The following GSDMC variants were observed in gnomAD, a reference collection of about 807,000 sequenced individuals.
GSDMC encodes gasdermin C.
GSDMC carries 59 observed loss-of-function variants against 58.0 expected under a neutral mutation model. That is an observed-to-expected ratio of 1.02 (90% confidence interval 0.82 to 1.26). The LOEUF is 1.26. GSDMC is among the 50% of genes most tolerant of loss of function. GSDMC has a pLI of 0.00. For synonymous variants in GSDMC, 241 were observed against 220.2 expected, an observed-to-expected ratio of 1.09 and a Z score of -0.83; for missense variants, 659 against 598.5, an observed-to-expected ratio of 1.10 and a Z score of -1.06.
chr8:129,767,845 C>T (rs1402336815), intron 3 of GSDMC, among the ~76,000 whole-genome samples: 1 of 152,174 alleles, frequency 6.6e-6, no homozygotes, highest in Non-Finnish European at 1.5e-5. Context: ...CCTACCCAAC[C>T]AGGGAAAATT....
At chr8:129,767,758 C>A (rs2033915038) in intron 3 of GSDMC, among the ~76,000 whole-genome samples, 2 of 152,112 alleles carry the variant, frequency 1.3e-5, no homozygotes, top group South Asian at 4.2e-4. Context: ...CCACCAATTA[C>A]AAAACCTAGT....
At chr8:129,751,958 T>G in intron 8 of GSDMC, 67 bp from the exon 9 acceptor site, 1 of 1,532,312 alleles carries the variant, frequency 6.5e-7, no homozygotes, top group Non-Finnish European at 9.0e-7. Flanking sequence ...CCTTCTGCCC[T>G]TCTTTCCCTG....
the GSDMC span, among the ~76,000 whole-genome samples, chr8:129,722,221 C>G: frequency 6.6e-6 from 1 of 152,090 alleles, no homozygotes; most frequent in Non-Finnish European, 1.5e-5. Flanking sequence ...CTACGGTGCT[C>G]GGGGAATAGC....
the GSDMC span, among the ~76,000 whole-genome samples, chr8:129,711,866 A>G: frequency 7.2e-5 from 11 of 152,230 alleles, no homozygotes; most frequent in Admixed American, 7.2e-4. Context: ...CAGCTTATCC[A>G]AGATACCCAA....
chr8:129,709,518 T>G, the GSDMC span, among the ~76,000 whole-genome samples: 1 of 151,156 alleles, frequency 6.6e-6, no homozygotes, highest in South Asian at 2.1e-4. Flanking sequence ...AGATGATAGA[T>G]GATAGGCAGA....
chr8:129,712,662 G>A, the GSDMC span, among the ~76,000 whole-genome samples: 2 of 152,190 alleles, frequency 1.3e-5, no homozygotes, highest in African/African-American at 4.8e-5. Flanking sequence ...ATGAAAACAA[G>A]GGCTTGGGCA....
Position 129,762,751 on chromosome 8 carries a change from A to C in GSDMC, c.571-20T>G. The C allele has an allele frequency of 6.7e-7, 1 of 1,488,626 alleles. No homozygotes were observed. The highest frequency in any genetic ancestry group is 9.4e-7 in the Non-Finnish European group (1 of 1,065,422). 92.2% of individuals were successfully genotyped at this position (1,488,626 alleles called of 1,614,324 possible). A position where few individuals can be genotyped will look rare whatever the true frequency, so the allele number is the denominator to read the frequency against. The stretch of plus-strand genomic sequence containing the variant: ...TTGACCCTGGGGAGAGAAACCAGAC[A>C]ATACAGTATTAAATGTATGTAATTT... On this transcript the variant is annotated intron_variant, in intron 4 of 13. Coordinates refer to ENST00000276708, the MANE Select transcript of GSDMC (RefSeq NM_031415.3).
the GSDMC span, among the ~76,000 whole-genome samples, chr8:129,723,840 C>T: frequency 4.6e-5 from 7 of 152,126 alleles, no homozygotes; most frequent in African/African-American, 1.2e-4. Flanking sequence ...CTACTCTAGC[C>T]CTTCCAATTT....
chr8:129,769,640 G>A (rs550475785), intron 3 of GSDMC, among the ~76,000 whole-genome samples: 11 of 151,434 alleles, frequency 7.3e-5, no homozygotes, highest in Admixed American at 1.3e-4. Flanking sequence ...CAACTCCCAC[G>A]ATAATGATAT....
chr8:129,779,443 G>T (rs982802197), intron 1 of GSDMC, among the ~76,000 whole-genome samples: 10 of 152,080 alleles, frequency 6.6e-5, no homozygotes, highest in African/African-American at 1.2e-4. Context: ...ACACACTGGG[G>T]CCTACTGGAA....
intron 1 of GSDMC, among the ~76,000 whole-genome samples, chr8:129,780,718 T>A (rs1379620873): frequency 6.6e-6 from 1 of 152,182 alleles, no homozygotes; most frequent in Admixed American, 6.5e-5. Flanking sequence ...AACTCAATGG[T>A]AGTAGGAAGC....
the GSDMC span, chr8:129,728,763 C>G: frequency 2.0e-6 from 1 of 499,962 alleles, no homozygotes; most frequent in African/African-American, 1.9e-5. Flanking sequence ...ATAAAACTTG[C>G]CGAGGGCTCT....
chr8:129,764,645 C>G (rs1049564608), intron 4 of GSDMC, among the ~76,000 whole-genome samples: 2 of 152,150 alleles, frequency 1.3e-5, no homozygotes, highest in African/African-American at 4.8e-5. Context: ...GATTTGGGCT[C>G]TGAGTGTTCC....
chr8:129,745,509 C>T (rs568455109), downstream of GSDMC, among the ~76,000 whole-genome samples: 3 of 133,314 alleles, frequency 2.3e-5, no homozygotes, highest in African/African-American at 3.7e-5. Flanking sequence ...GGCATCTTCC[C>T]GAATTATATG....
intron 6 of GSDMC, among the ~76,000 whole-genome samples, chr8:129,758,985 A>G (rs2033552650): frequency 1.3e-5 from 2 of 152,226 alleles, no homozygotes; most frequent in Admixed American, 6.5e-5. Context: ...TATAGTAACC[A>G]AAACAACATG....
At chr8:129,781,465 C>T (rs761517665) in intron 1 of GSDMC, among the ~76,000 whole-genome samples, 51 of 152,176 alleles carry the variant, frequency 3.4e-4, no homozygotes, top group Non-Finnish European at 4.3e-4. Context: ...AGACTTCAGG[C>T]GAGACGCGAT....
intron 6 of GSDMC, among the ~76,000 whole-genome samples, chr8:129,755,974 A>G (rs2033414331): frequency 6.6e-6 from 1 of 151,990 alleles, no homozygotes; most frequent in Non-Finnish European, 1.5e-5. Flanking sequence ...ACAATAACAA[A>G]ATGGCAGGAT....
chr8:129,783,181 A>G (rs1271192607), intron 1 of GSDMC, among the ~76,000 whole-genome samples: 2 of 152,150 alleles, frequency 1.3e-5, no homozygotes, highest in African/African-American at 4.8e-5. Flanking sequence ...AACCCCTCAA[A>G]AAACTGGGTA....
chr8:129,782,016 A>T (rs1356700562), intron 1 of GSDMC, among the ~76,000 whole-genome samples: 1 of 152,204 alleles, frequency 6.6e-6, no homozygotes, highest in Non-Finnish European at 1.5e-5. Flanking sequence ...AATATAACGT[A>T]TCTTCTCTGA....
Sources: allele counts gnomAD v4.1 joint callset (sites outside exome capture counted in the v4.1 genomes callset), GRCh38; gene constraint gnomAD v4.1.1; transcripts MANE v1.5; gene names NCBI Gene and HGNC (gene_info 2026-07-23, HGNC 2026-07-21).